DYNC2H1: variants seen among roughly 807,000 people sequenced by gnomAD.
DYNC2H1 encodes the protein dynein cytoplasmic 2 heavy chain 1, also known as cytoplasmic dynein 2 heavy chain 1.
In DYNC2H1, 410 loss-of-function variants were observed where a neutral mutation model predicts 570.0. The ratio of observed to expected loss-of-function variants is 0.72; its 90% CI spans 0.66 to 0.78. The LOEUF (loss-of-function observed/expected upper bound fraction) is 0.78, where lower values mean the gene tolerates loss of function less well. DYNC2H1 is among the 30% of genes least tolerant of loss of function. The pLI, the probability that DYNC2H1 is intolerant of heterozygous loss-of-function variation, is 0.00. For missense variants in DYNC2H1, 4,865 were observed against 5,046.4 expected (o/e 0.96, Z 1.09); for synonymous variants, 1,688 against 1,677.6 (o/e 1.01, Z -0.15).
intron 85 of DYNC2H1, among the ~76,000 whole-genome samples, chr11:103,444,986 A>G (rs956744996): frequency 6.6e-6 from 1 of 152,216 alleles, no homozygotes; most frequent in African/African-American, 2.4e-5. Context: ...TTCCGCTGGT[A>G]TATGAATAAG....
At chr11:103,206,636 CATT>C in intron 52 of DYNC2H1, among the ~76,000 whole-genome samples, 1 of 145,334 alleles carries the variant, frequency 6.9e-6, no homozygotes, top group Non-Finnish European at 1.5e-5. Context: ...ACCAGACAAA[CATT>C]ATATTTTAAA....
At position 103,109,426 on chromosome 11, in the gene DYNC2H1, A is replaced by G. The variant is rs1242164769; in HGVS notation, c.-149A>G. 1.1e-5 allele frequency: 8 copies of G among 749,270 alleles called. No homozygotes were observed. Among genetic ancestry groups the G allele is most frequent in the Non-Finnish European group, 1.7e-5 (8 of 482,176 alleles). The allele number at this position is 749,270 out of a possible 1,614,324, so 46.4% of individuals were successfully genotyped here. Reference sequence around the variant, plus strand: ...GACGCCGCCGTAGTGCTCCGTCGCCATAGCGACTACCCCTGGCAACCGCGA... The same window carrying G: ...GACGCCGCCGTAGTGCTCCGTCGCCGTAGCGACTACCCCTGGCAACCGCGA... On this transcript the variant is annotated 5_prime_UTR_variant, in exon 1 of 89. Transcript: ENST00000375735.
Position 103,310,053 on chromosome 11 carries a change from CATAT to C in DYNC2H1, c.11494-1819_11494-1816del. ...TGTTCAAAATGATTATATGTATGTG[CATAT>C]ATATAATATGGGCATATATTATTTT... On this transcript the variant is annotated intron_variant, in intron 78 of 88. Transcript: ENST00000375735. Among the ~76,000 whole-genome samples, 5 of 152,016 alleles carry C rather than the reference CATAT, an allele frequency of 3.3e-5. No homozygotes were observed. The South Asian group carries it at 1.0e-3, about 32-fold the overall frequency.
At chr11:103,282,357 T>C (rs1358943693) in intron 72 of DYNC2H1, 128 bp downstream of exon 72, 1 of 764,206 alleles carries the variant, frequency 1.3e-6, no homozygotes, top group Non-Finnish European at 2.1e-6. Flanking sequence ...TAGAAGAATA[T>C]ATTCTGGCCT....
chr11:103,173,095 C>T lies in DYNC2H1; in HGVS notation c.5348C>T (p.Ser1783Phe). The T allele has an allele frequency of 7.4e-7, 1 of 1,355,788 alleles. No homozygotes were observed. 84.0% of individuals were successfully genotyped at this position (1,355,788 alleles called of 1,614,324 possible). The change falls in exon 35 of 89, where the codon TCT (serine) becomes TTT (phenylalanine). Residue 1783 changes from serine (S) to phenylalanine (F), a missense_variant. By Grantham distance (155) the Ser-to-Phe change is radical. Coordinates refer to ENST00000375735, the MANE Select transcript of DYNC2H1 (RefSeq NM_001377.3). ...ELLGKEVEVNSNSGIFITMNP... is the reference protein window; with the variant it reads ...ELLGKEVEVNFNSGIFITMNP... ...TTAATATTTCAGGTAGAAGTAAATT[C>T]TAATTCTGGAATTTTTATCACTATG...
intron 84 of DYNC2H1, among the ~76,000 whole-genome samples, chr11:103,423,904 C>G (rs1373233182): frequency 6.6e-6 from 1 of 151,882 alleles, no homozygotes; most frequent in Non-Finnish European, 1.5e-5. Flanking sequence ...GCAATGAATC[C>G]TAGTATATGG....
At chr11:103,448,741 T>A (rs10895429) in intron 85 of DYNC2H1, among the ~76,000 whole-genome samples, 20,876 of 152,160 alleles carry the variant, frequency 0.14, 1,732 homozygotes, top group East Asian at 0.26. Context: ...TACTTACCTG[T>A]TTCTTGGTTA....
In DYNC2H1 at chr11:103,326,128, A is replaced by C. The variant is rs944014422; in HGVS notation, c.12039+2138A>C. On this transcript the variant is annotated intron_variant, in intron 82 of 88. Transcript: ENST00000375735. This position sits in a 1 kb window ranked among gnomAD's most constrained non-coding sequence, Gnocchi z 6.1. The stretch of plus-strand genomic sequence containing the variant: ...TGTTTAGTGTTGTAGTTTGGGCTTC[A>C]GTCCAATAGATGGCGCTTAGGAGTA... Among the ~76,000 whole-genome samples, 1 of 152,150 alleles carries C rather than the reference A, an allele frequency of 6.6e-6. No homozygotes were observed. Among genetic ancestry groups the C allele is most frequent in the Admixed American group, 6.5e-5 (1 of 15,268 alleles).
chr11:103,296,799 G>T (rs1485830616), intron 75 of DYNC2H1, among the ~76,000 whole-genome samples: 2 of 149,614 alleles, frequency 1.3e-5, no homozygotes, highest in Admixed American at 6.7e-5. Flanking sequence ...TACCTCCCTT[G>T]GTCTGAGACC....
intron 66 of DYNC2H1, 26 bp from the exon 67 acceptor site, chr11:103,255,389 T>G: frequency 3.2e-6 from 5 of 1,541,894 alleles, no homozygotes; most frequent in Non-Finnish European, 4.4e-6. Context: ...ATTGCTAGAA[T>G]TACCTTGTCT....
intron 83 of DYNC2H1, among the ~76,000 whole-genome samples, chr11:103,359,573 A>G (rs973818134): frequency 2.0e-5 from 3 of 152,060 alleles, no homozygotes; most frequent in Non-Finnish European, 4.4e-5. Flanking sequence ...AAAGGCTTAC[A>G]TGTAGATTAT....
At chr11:103,194,806 C>G (rs1256374679) in intron 47 of DYNC2H1, among the ~76,000 whole-genome samples, 1 of 152,116 alleles carries the variant, frequency 6.6e-6, no homozygotes, top group African/African-American at 2.4e-5. Context: ...CAACCTCTAC[C>G]TCCTGGGCTC....
intron 83 of DYNC2H1, among the ~76,000 whole-genome samples, chr11:103,394,893 TG>T (rs1358084104): frequency 6.6e-6 from 1 of 152,014 alleles, no homozygotes; most frequent in African/African-American, 2.4e-5. Context: ...CCAGCTATCC[TG>T]TGAAATGGGT....
At chr11:103,253,524 G>A (rs931080088) in intron 66 of DYNC2H1, 76 bp downstream of exon 66, 8 of 1,374,868 alleles carry the variant, frequency 5.8e-6, no homozygotes, top group African/African-American at 1.5e-5. Context: ...TGAGTGAGAA[G>A]CTATTTTGTT....
chr11:103,430,571 T>C (rs1249441698), intron 84 of DYNC2H1, among the ~76,000 whole-genome samples: 1 of 152,180 alleles, frequency 6.6e-6, no homozygotes, highest in African/African-American at 2.4e-5. Context: ...ATCCAAATTG[T>C]TGTGTCACTT....
Position 103,324,147 on chromosome 11 carries a change from A to C in DYNC2H1, c.12039+157A>C, listed in dbSNP as rs970148637. Among the ~76,000 whole-genome samples, 1 of 152,180 alleles carries C rather than the reference A, an allele frequency of 6.6e-6. No individual in the cohort carries two copies. The highest frequency in any genetic ancestry group is 2.4e-5 in the African/African-American group (1 of 41,450). The stretch of plus-strand genomic sequence containing the variant: ...TTTTACTTTAAATATATTTTTTAAA[A>C]TATTTGATTTTCTGATTTTTTTTCT... On this transcript the variant is annotated intron_variant, in intron 82 of 88. Coordinates refer to ENST00000375735, the MANE Select transcript of DYNC2H1 (RefSeq NM_001377.3). This position sits in a 1 kb window ranked among gnomAD's most constrained non-coding sequence, Gnocchi z 5.2.
intron 84 of DYNC2H1, chr11:103,404,403 A>G (rs1942776128): frequency 6.6e-6 from 1 of 151,226 alleles, no homozygotes; most frequent in African/African-American, 2.4e-5. Context: ...TTCAGTTGTT[A>G]GAACTTTTCA....
chr11:103,180,772 G>A (rs1320621339), intron 39 of DYNC2H1, among the ~76,000 whole-genome samples: 1 of 151,272 alleles, frequency 6.6e-6, no homozygotes, highest in East Asian at 1.9e-4. Flanking sequence ...AATACCATTG[G>A]TAAGAAACTC....
chr11:103,227,201 G>T (rs4754061), intron 59 of DYNC2H1, among the ~76,000 whole-genome samples: 1 of 150,176 alleles, frequency 6.7e-6, no homozygotes. Context: ...TCTAATCTTC[G>T]TTATTTTTTT....
Sources: gnomAD v4.1 joint callset for allele counts (sites outside exome capture counted in the v4.1 genomes callset) on GRCh38, gnomAD v4.1.1 for gene constraint, Gnocchi (gnomAD v3.1) non-coding constraint, MANE v1.5 for transcripts, NCBI Gene and HGNC (gene_info 2026-07-23, HGNC 2026-07-21) for gene names.